ULK4: variants seen among roughly 807,000 people sequenced by gnomAD.
The protein encoded by ULK4 is inactive serine/threonine-protein kinase ULK4.
A neutral mutation model predicts 160.6 loss-of-function variants in ULK4; 133 were observed. The ratio of observed to expected loss-of-function variants is 0.83; its 90% CI spans 0.72 to 0.96. The LOEUF is 0.96. ULK4 is among the 40% of genes least tolerant of loss of function. ULK4 has a pLI of 0.00. For synonymous variants in ULK4, 534 were observed against 539.8 expected, an observed-to-expected ratio of 0.99 and a Z score of 0.15; for missense variants, 1,580 against 1,499.5, an observed-to-expected ratio of 1.05 and a Z score of -0.89.
At chr3:41,764,557 C>G (rs192218354) in intron 21 of ULK4, among the ~76,000 whole-genome samples, 2 of 152,106 alleles carry the variant, frequency 1.3e-5, no homozygotes, top group Admixed American at 6.6e-5. Context: ...AGAGCAAGAC[C>G]CTGTCTCTAC....
At chr3:41,292,380 C>T (rs569461956) in intron 35 of ULK4, among the ~76,000 whole-genome samples, 1 of 152,308 alleles carries the variant, frequency 6.6e-6, no homozygotes, top group South Asian at 2.1e-4. Flanking sequence ...GCCTCTGGGT[C>T]CAGTACCTCA....
chr3:41,575,965 G>A (rs2088176132), intron 31 of ULK4, among the ~76,000 whole-genome samples: 1 of 152,358 alleles, frequency 6.6e-6, no homozygotes, highest in East Asian at 1.9e-4. Context: ...TGGCAGTGGA[G>A]CCAAAGGGAA....
At chr3:41,691,397 T>C (rs147252482) in intron 27 of ULK4, among the ~76,000 whole-genome samples, 3 of 152,000 alleles carry the variant, frequency 2.0e-5, no homozygotes, top group East Asian at 1.9e-4. Flanking sequence ...CTCTTCCAAC[T>C]GTACTTTACT....
intron 31 of ULK4, among the ~76,000 whole-genome samples, chr3:41,610,923 C>T (rs893256649): frequency 1.3e-5 from 2 of 152,034 alleles, no homozygotes; most frequent in East Asian, 1.9e-4. Context: ...ACATAAACCA[C>T]GGAAATAAAA....
intron 31 of ULK4, among the ~76,000 whole-genome samples, chr3:41,598,160 G>A (rs1424489206): frequency 1.3e-5 from 2 of 152,130 alleles, no homozygotes; most frequent in African/African-American, 4.8e-5. Context: ...CACATGACCA[G>A]TTCCTCACTC....
intron 35 of ULK4, among the ~76,000 whole-genome samples, chr3:41,328,407 C>T (rs756510385): frequency 3.3e-5 from 5 of 151,960 alleles, no homozygotes; most frequent in Non-Finnish European, 7.4e-5. Flanking sequence ...ATGCAAAAAA[C>T]GAGACAGTAG....
chr3:41,658,737 A>ACACACACACACACACTCTCT (rs371916129), intron 30 of ULK4, among the ~76,000 whole-genome samples: 44 of 151,062 alleles, frequency 2.9e-4, no homozygotes, highest in Admixed American at 1.4e-3. Context: ...GTACACACAC[A>ACACACACACACACACTCTCT]CACACACACA....
intron 35 of ULK4, among the ~76,000 whole-genome samples, chr3:41,386,118 G>C (rs920768751): frequency 6.6e-6 from 1 of 152,074 alleles, no homozygotes; most frequent in Non-Finnish European, 1.5e-5. Flanking sequence ...GCACTTCCAC[G>C]TTTGGCTCAA....
At chr3:41,910,769 A>G (rs1483227948) in intron 11 of ULK4, among the ~76,000 whole-genome samples, 2 of 152,166 alleles carry the variant, frequency 1.3e-5, no homozygotes, top group Non-Finnish European at 2.9e-5. Context: ...CAGGAGTTTG[A>G]GACCAGCCTG....
intron 19 of ULK4, among the ~76,000 whole-genome samples, chr3:41,807,743 TC>T (rs2125615491): frequency 6.6e-6 from 1 of 152,268 alleles, no homozygotes; most frequent in Non-Finnish European, 1.5e-5. Context: ...TCCTTCAATT[TC>T]CCAAACTTCA....
intron 36 of ULK4, 78 bp from the exon 37 acceptor site, chr3:41,247,070 C>T (rs141687204): frequency 0.023 from 32,203 of 1,392,506 alleles, 464 homozygotes; most frequent in South Asian, 0.025. Flanking sequence ...AGGGGCCAGC[C>T]TCTTTTGCAC....
intron 35 of ULK4, among the ~76,000 whole-genome samples, chr3:41,310,497 A>T (rs1398438258): frequency 6.6e-6 from 1 of 152,206 alleles, no homozygotes; most frequent in Non-Finnish European, 1.5e-5. Flanking sequence ...CACAGTAAAT[A>T]ATAACACAAC....
chr3:41,620,246 C>T (rs1240836886), intron 30 of ULK4, among the ~76,000 whole-genome samples: 1 of 152,128 alleles, frequency 6.6e-6, no homozygotes, highest in Non-Finnish European at 1.5e-5. Flanking sequence ...AGGACTTCTC[C>T]CTAACTCATT....
At chr3:41,706,836 A>T (rs1295809586) in intron 25 of ULK4, among the ~76,000 whole-genome samples, 42 of 124,066 alleles carry the variant, frequency 3.4e-4, no homozygotes, top group African/African-American at 2.0e-3. Context: ...TCAAAAAAAA[A>T]AAAAAAAAAA....
rs1181225910 is a variant in ULK4 at position 41,306,128 on chromosome 3, T to TGG, written c.3679-56556_3679-56555dup. 4.9e-4 allele frequency among the ~76,000 whole-genome samples: 30 copies of TGG among 61,082 alleles called. No individual in the cohort carries two copies. In the East Asian group the frequency reaches 5.6e-3, roughly 11 times the overall value. The allele number at this position is 61,082 out of a possible 152,430, so 40.1% of individuals were successfully genotyped here. A position where few individuals can be genotyped will look rare whatever the true frequency, so the allele number is the denominator to read the frequency against. On this transcript the variant is annotated intron_variant, in intron 35 of 36. Transcript: ENST00000301831. ...GCCGCCACCCCGTCCGGGAGGGAGGTGGGGGGGGGGGGTCAGCCCCCCGCC... is the reference window on the plus strand; with the variant it reads ...GCCGCCACCCCGTCCGGGAGGGAGGTGGGGGGGGGGGGGGTCAGCCCCCCGCC...
chr3:41,460,467 T>C (rs887317487), intron 33 of ULK4, among the ~76,000 whole-genome samples: 4 of 152,228 alleles, frequency 2.6e-5, no homozygotes, highest in Non-Finnish European at 5.9e-5. Context: ...ATTACTTGTA[T>C]GTTGACAGTC....
chr3:41,615,878 T>C (rs1181592870), intron 30 of ULK4, among the ~76,000 whole-genome samples, 161 bp from the exon 31 acceptor site: 2 of 152,216 alleles, frequency 1.3e-5, no homozygotes, highest in Non-Finnish European at 2.9e-5. Flanking sequence ...ACTATAGCTA[T>C]TAAACAAGAA....
At chr3:41,703,100 C>T (rs1387924070) in intron 27 of ULK4, among the ~76,000 whole-genome samples, 4 of 151,766 alleles carry the variant, frequency 2.6e-5, no homozygotes, top group East Asian at 3.9e-4. Flanking sequence ...GTGATCTGCC[C>T]GCCTCAGCCT....
chr3:41,279,262 A>C (rs9877375), intron 35 of ULK4, among the ~76,000 whole-genome samples: 3 of 141,820 alleles, frequency 2.1e-5, no homozygotes, highest in African/African-American at 8.5e-5. Flanking sequence ...GAGTAAAAAA[A>C]AAAAAAAAAA....
Sources: allele counts gnomAD v4.1 joint callset (sites outside exome capture counted in the v4.1 genomes callset), GRCh38; gene constraint gnomAD v4.1.1; transcripts MANE v1.5; gene names NCBI Gene and HGNC (gene_info 2026-07-23, HGNC 2026-07-21).